Variants in DOK5 observed in about 807,000 individuals in gnomAD.
The protein encoded by DOK5 is downstream of tyrosine kinase 5.
DOK5 carries 27 observed loss-of-function variants against 43.3 expected under a neutral mutation model. The observed-to-expected ratio is 0.62, with a 90% CI of 0.46 to 0.86. DOK5 has a LOEUF of 0.86. Among genes scored for constraint, DOK5 ranks in the 40% least tolerant of loss-of-function variants. DOK5 has a pLI of 0.00. For synonymous variants in DOK5, 146 were observed against 140.1 expected (o/e 1.04, Z -0.30); for missense variants, 373 against 392.9 (o/e 0.95, Z 0.43).
At chr20:54,591,413 C>A (rs890659654) in intron 4 of DOK5, among the ~76,000 whole-genome samples, 5 of 152,148 alleles carry the variant, frequency 3.3e-5, no homozygotes, top group African/African-American at 7.2e-5. Flanking sequence ...CAGGCTGTAT[C>A]ATTATTATGT....
At chr20:54,591,235 T>C (rs1156804296) in intron 4 of DOK5, among the ~76,000 whole-genome samples, 2 of 152,208 alleles carry the variant, frequency 1.3e-5, no homozygotes, top group Non-Finnish European at 2.9e-5. Context: ...GCATCTTTTG[T>C]GAGCACAAAA....
At chr20:54,487,014 T>C (rs1168066089) in intron 1 of DOK5, among the ~76,000 whole-genome samples, 1 of 152,152 alleles carries the variant, frequency 6.6e-6, no homozygotes, top group East Asian at 1.9e-4. Flanking sequence ...ATTTTTGTAA[T>C]ATTGGGTTTA....
chr20:54,580,470 A>G (rs1469367977), intron 2 of DOK5, among the ~76,000 whole-genome samples: 1 of 152,142 alleles, frequency 6.6e-6, no homozygotes, highest in Non-Finnish European at 1.5e-5. Context: ...CATCGAGAGC[A>G]CACAAAGTTT....
At chr20:54,581,589 A>C (rs1294842890) in intron 2 of DOK5, among the ~76,000 whole-genome samples, 1 of 151,938 alleles carries the variant, frequency 6.6e-6, no homozygotes, top group Non-Finnish European at 1.5e-5. Flanking sequence ...TTTTCAGTGT[A>C]CAAATATTTC....
intron 1 of DOK5, among the ~76,000 whole-genome samples, chr20:54,507,458 A>T (rs1253563223): frequency 2.0e-5 from 3 of 152,224 alleles, no homozygotes; most frequent in South Asian, 2.1e-4. Flanking sequence ...AAAATATAAA[A>T]ATTATTAATC....
At chr20:54,545,396 C>T (rs556670853) in intron 1 of DOK5, among the ~76,000 whole-genome samples, 1 of 152,292 alleles carries the variant, frequency 6.6e-6, no homozygotes, top group East Asian at 1.9e-4. Context: ...GAGACTGAGA[C>T]TCTAAGGGGA....
intron 2 of DOK5, among the ~76,000 whole-genome samples, chr20:54,566,352 A>G (rs574244262): frequency 6.6e-6 from 1 of 152,236 alleles, no homozygotes; most frequent in South Asian, 2.1e-4. Flanking sequence ...GTTTCTCATC[A>G]TTACAAATAA....
chr20:54,481,596 A>G (rs6091891), intron 1 of DOK5, among the ~76,000 whole-genome samples: 26,933 of 152,146 alleles, frequency 0.18, 3,740 homozygotes, highest in African/African-American at 0.39. Context: ...GGACATGTGA[A>G]GCTACATGAG....
intron 1 of DOK5, among the ~76,000 whole-genome samples, chr20:54,476,541 C>A (rs6098005): frequency 0.11 from 16,019 of 152,082 alleles, 938 homozygotes; most frequent in African/African-American, 0.15. Flanking sequence ...GTGTCAAAGG[C>A]GGTGCGGGCT....
intron 1 of DOK5, among the ~76,000 whole-genome samples, chr20:54,500,558 T>TG (rs1491169001): frequency 8.3e-6 from 1 of 120,514 alleles, no homozygotes; most frequent in Non-Finnish European, 1.6e-5. Context: ...ACCCAGTGTA[T>TG]TTTTTTTTTT....
chr20:54,635,535 A>G (rs1368881880), intron 6 of DOK5, among the ~76,000 whole-genome samples: 3 of 152,154 alleles, frequency 2.0e-5, no homozygotes, highest in Admixed American at 2.0e-4. Context: ...CCTTCAACCA[A>G]TTGCCAATCA....
At chr20:54,575,784 C>G (rs1382379595) in intron 2 of DOK5, among the ~76,000 whole-genome samples, 2 of 152,180 alleles carry the variant, frequency 1.3e-5, no homozygotes, top group African/African-American at 4.8e-5. Flanking sequence ...AATTTACTTT[C>G]AAATCATTTA....
intron 1 of DOK5, among the ~76,000 whole-genome samples, chr20:54,533,671 A>G (rs529314364): frequency 1.3e-5 from 2 of 152,342 alleles, no homozygotes; most frequent in Non-Finnish European, 2.9e-5. Context: ...ATTTACTCAA[A>G]GCAGAATGAC....
intron 5 of DOK5, among the ~76,000 whole-genome samples, chr20:54,607,753 C>T (rs1161818990): frequency 1.3e-5 from 2 of 151,928 alleles, no homozygotes; most frequent in African/African-American, 2.4e-5. Flanking sequence ...AGTGGTGGCA[C>T]ATGCCTGTAG....
At chr20:54,639,777 A>T (rs764540882) in intron 6 of DOK5, among the ~76,000 whole-genome samples, 2 of 152,248 alleles carry the variant, frequency 1.3e-5, no homozygotes, top group African/African-American at 2.4e-5. Flanking sequence ...GGCTGATTGA[A>T]ATAAAGAAGA....
chr20:54,490,652 A>G (rs1361134053), intron 1 of DOK5, among the ~76,000 whole-genome samples: 1 of 151,888 alleles, frequency 6.6e-6, no homozygotes, highest in Non-Finnish European at 1.5e-5. Flanking sequence ...GTGGCACGAT[A>G]TTGGCTCATG....
intron 1 of DOK5, among the ~76,000 whole-genome samples, chr20:54,527,894 G>A (rs910699438): frequency 6.6e-6 from 1 of 152,142 alleles, no homozygotes; most frequent in African/African-American, 2.4e-5. Context: ...TAGTTGATGC[G>A]ATCCTCTTAA....
intron 1 of DOK5, among the ~76,000 whole-genome samples, chr20:54,514,614 A>G (rs556967787): frequency 1.3e-3 from 164 of 128,278 alleles, no homozygotes; most frequent in Admixed American, 1.9e-3. Context: ...TTTTGGCTAC[A>G]GAAAGGCAAT....
intron 2 of DOK5, among the ~76,000 whole-genome samples, chr20:54,562,738 A>AT (rs949537381): frequency 6.8e-6 from 1 of 147,678 alleles, no homozygotes; most frequent in African/African-American, 2.5e-5. Flanking sequence ...GCATATTTAC[A>AT]TTAAAAAAAT....
Sources: allele counts gnomAD v4.1 joint callset (sites outside exome capture counted in the v4.1 genomes callset), GRCh38; gene constraint gnomAD v4.1.1; transcripts MANE v1.5; gene names NCBI Gene and HGNC (gene_info 2026-07-23, HGNC 2026-07-21).